Variants in SLC38A8 observed in about 807,000 individuals in gnomAD.
The protein encoded by SLC38A8 is amino acid transporter SLC38A8.
Under a neutral mutation model 46.0 loss-of-function variants are expected in SLC38A8, and 65 were observed. The observed-to-expected ratio is 1.41, with a 90% CI of 1.16 to 1.74. The LOEUF is 1.74. Among genes scored for constraint, SLC38A8 ranks in the 40% most tolerant of loss-of-function variants. The probability of loss-of-function intolerance (pLI) is 0.00; values close to 1 mark genes in which losing one functional copy is unlikely to be tolerated. For missense variants in SLC38A8, 998 were observed against 567.9 expected, an observed-to-expected ratio of 1.76 and a Z score of -7.70; for synonymous variants, 447 against 243.7, an observed-to-expected ratio of 1.83 and a Z score of -7.77.
chr16:84,035,360 G>A (rs926806985), intron 3 of SLC38A8, among the ~76,000 whole-genome samples: 3 of 152,158 alleles, frequency 2.0e-5, no homozygotes, highest in Non-Finnish European at 4.4e-5. Context: ...ATACCCCCCA[G>A]TCAGGGGCCT....
chr16:84,027,867 C>G (rs1208126263), intron 6 of SLC38A8, among the ~76,000 whole-genome samples: 1 of 152,148 alleles, frequency 6.6e-6, no homozygotes, highest in Non-Finnish European at 1.5e-5. Context: ...CGCTTGGGCA[C>G]AGAGAGAGGT....
At chr16:84,022,990 G>C in intron 6 of SLC38A8, 101 bp from the exon 7 acceptor site, 1 of 781,656 alleles carries the variant, frequency 1.3e-6, no homozygotes, top group South Asian at 1.9e-5. Flanking sequence ...GGGATATGAT[G>C]AGGTTTCTCT....
intron 6 of SLC38A8, among the ~76,000 whole-genome samples, chr16:84,025,565 C>T (rs746013272): frequency 5.9e-5 from 9 of 152,152 alleles, no homozygotes; most frequent in Non-Finnish European, 8.8e-5. Flanking sequence ...GGGCCAGGAT[C>T]GGAGCCTGCA....
intron 2 of SLC38A8, among the ~76,000 whole-genome samples, chr16:84,040,391 GT>G (rs2085354369): frequency 6.6e-6 from 1 of 152,202 alleles, no homozygotes; most frequent in South Asian, 2.1e-4. Context: ...CAAAACAGCT[GT>G]TTCCCCAGAA....
At chr16:84,023,494 G>T (rs17786732) in intron 6 of SLC38A8, among the ~76,000 whole-genome samples, 1 of 152,010 alleles carries the variant, frequency 6.6e-6, no homozygotes, top group Non-Finnish European at 1.5e-5. Context: ...AGCAGAGGGC[G>T]TAAGTAAATG....
At chr16:84,027,853 A>G (rs893181053) in intron 6 of SLC38A8, among the ~76,000 whole-genome samples, 1 of 152,110 alleles carries the variant, frequency 6.6e-6, no homozygotes, top group East Asian at 1.9e-4. Context: ...GCTGCACCAT[A>G]TGGCGCTTGG....
At chr16:84,042,233 T>G in intron 1 of SLC38A8, 74 bp from the exon 2 acceptor site, 1 of 1,490,180 alleles carries the variant, frequency 6.7e-7, no homozygotes. Context: ...TATCCTTATT[T>G]GTCTCCCCAA....
chr16:84,033,598 AGAC>A (rs2085271051), intron 3 of SLC38A8, 129 bp from the exon 4 acceptor site: 13 of 1,072,198 alleles, frequency 1.2e-5, no homozygotes, highest in East Asian at 5.3e-5. Context: ...CCCAGGGATC[AGAC>A]GACAAGTGAG....
At chr16:84,038,831 G>T (rs150316272) in intron 2 of SLC38A8, among the ~76,000 whole-genome samples, 3 of 152,114 alleles carry the variant, frequency 2.0e-5, no homozygotes, top group Non-Finnish European at 2.9e-5. Context: ...CGTATCGGGC[G>T]CACAGGCAGC....
intron 6 of SLC38A8, among the ~76,000 whole-genome samples, chr16:84,027,729 G>A (rs1034599615): frequency 5.3e-5 from 8 of 152,118 alleles, no homozygotes; most frequent in African/African-American, 1.4e-4. Flanking sequence ...TCGGCATCCC[G>A]TGTCCCTGGA....
At chr16:84,010,820 C>G (rs1002817224) in intron 10 of SLC38A8, among the ~76,000 whole-genome samples, 2 of 152,100 alleles carry the variant, frequency 1.3e-5, no homozygotes, top group African/African-American at 2.4e-5. Context: ...TGTTCCTCAG[C>G]CTCTGATGAA....
Position 84,017,116 on chromosome 16 carries a change from G to GC in SLC38A8, c.953+23dup, listed in dbSNP as rs759952202. The GC allele has an allele frequency of 6.6e-5, 106 of 1,613,008 alleles. 1 individual carries two copies. In the African/African-American group the frequency reaches 1.3e-3, roughly 19 times the overall value. ...ACATCAGCAGACCATGCTTCACGGTGCCCCCCACTGAGCCAGGCCTCACCT... is the reference window on the plus strand; with the variant it reads ...ACATCAGCAGACCATGCTTCACGGTGCCCCCCCACTGAGCCAGGCCTCACCT... On this transcript the variant is annotated intron_variant, in intron 8 of 10. Transcript: ENST00000299709.
At chr16:84,018,546 A>G (rs564247365) in intron 7 of SLC38A8, among the ~76,000 whole-genome samples, 56 of 152,052 alleles carry the variant, frequency 3.7e-4, no homozygotes, top group Non-Finnish European at 3.4e-4. Flanking sequence ...TTATAAAGCC[A>G]CTAGTGCCAT....
chr16:84,016,885 G>A (rs543623597), intron 8 of SLC38A8, 158 bp from the exon 9 acceptor site: 5 of 1,029,452 alleles, frequency 4.9e-6, no homozygotes, highest in African/African-American at 3.2e-5. Flanking sequence ...CAACCCTCAG[G>A]GGTTCTGCCA....
Position 84,022,837 on chromosome 16 carries a change from G to C in SLC38A8, c.743C>G (p.Ser248Cys), listed in dbSNP as rs11861325. The change falls in exon 7 of 11, where the codon TCC becomes TGC. Residue 248 changes from serine to cysteine, a missense_variant. Physicochemically the swap from Ser to Cys is moderately radical, Grantham distance 112. Coordinates refer to ENST00000299709, the MANE Select transcript of SLC38A8 (RefSeq NM_001080442.3). ...IYCSMRKRSL[S>C]HWALVSVLSL... ...CAGCACAGACACCAGGGCCCAGTGG[G>C]AGAGGCTCCGTTTGCGCATGCTGCA... 6.1e-3 allele frequency: 9,848 copies of C among 1,612,644 alleles called. 505 individuals are homozygous for C. In the African/African-American group the frequency reaches 0.11, roughly 19 times the overall value.
rs13334006 is a variant in SLC38A8 at position 84,016,613 on chromosome 16, G to T, written c.1068C>A (p.Thr356=). The change falls in exon 9 of 11, where the codon ACC becomes ACA. Residue 356 remains threonine, a synonymous_variant. Transcript: ENST00000299709. The part of the protein sequence containing the change: ...VRMPLTILWV[T]VTLAMALFMP... ...TAAACAGCGCCATGGCGAGCGTCAC[G>T]GTGACCCACAGGATGGTCAGCGGCA... 1.2e-6 allele frequency: 2 copies of T among 1,613,786 alleles called. No individual in the cohort carries two copies. Among genetic ancestry groups the T allele is most frequent in the South Asian group, 2.2e-5 (2 of 91,088 alleles).
At chr16:84,038,351 C>T (rs2085326085) in intron 2 of SLC38A8, among the ~76,000 whole-genome samples, 1 of 151,992 alleles carries the variant, frequency 6.6e-6, no homozygotes. Context: ...GTTGCAAGAA[C>T]GTTACAGTGA....
rs750811149 is a variant in SLC38A8 at position 84,042,114 on chromosome 16, G to A, written c.44C>T (p.Pro15Leu). ...TPGSRGLPEK[P>L]HPATAAATLS... ...AGTGGCAGCAGCCGTGGCAGGGTGA[G>A]GCTTTTCTGGAAGGCCCCTGCTTCC... Residue 15 changes from proline to leucine, a missense_variant, in exon 2 of 11, where the codon CCT becomes CTT. Pro to Leu is a moderately conservative substitution (Grantham distance 98). Transcript: ENST00000299709. 1 of 1,613,734 alleles carries A rather than the reference G, an allele frequency of 6.2e-7. No homozygotes were observed. Among genetic ancestry groups the A allele is most frequent in the Non-Finnish European group, 8.5e-7 (1 of 1,179,938 alleles).
chr16:84,018,903 G>C (rs926796336), intron 7 of SLC38A8, among the ~76,000 whole-genome samples: 1 of 152,128 alleles, frequency 6.6e-6, no homozygotes, highest in Non-Finnish European at 1.5e-5. Flanking sequence ...GCTAAGGCTA[G>C]TTCAATAAGT....
Sources: allele counts gnomAD v4.1 joint callset (sites outside exome capture counted in the v4.1 genomes callset), GRCh38; gene constraint gnomAD v4.1.1; transcripts MANE v1.5; gene names NCBI Gene and HGNC (gene_info 2026-07-23, HGNC 2026-07-21).